Variants in DPYD observed in about 807,000 individuals in gnomAD.
DPYD encodes the protein dihydropyrimidine dehydrogenase.
DPYD carries 109 observed loss-of-function variants against 116.2 expected under a neutral mutation model. That is an observed-to-expected ratio of 0.94 (90% confidence interval 0.80 to 1.10). The LOEUF is 1.10. DPYD is among the 50% of genes least tolerant of loss of function. DPYD has a pLI of 0.00. For synonymous variants in DPYD, 440 were observed against 432.0 expected (o/e 1.02, Z -0.23); for missense variants, 1,302 against 1,254.5 (o/e 1.04, Z -0.57).
At chr1:97,752,720 C>A (rs56202188) in intron 3 of DPYD, among the ~76,000 whole-genome samples, 39,399 of 152,060 alleles carry the variant, frequency 0.26, 5,985 homozygotes, top group East Asian at 0.63. Context: ...CCTGTGAAAC[C>A]CCCTGGCTAT....
At chr1:97,807,470 C>G (rs995860066) in intron 3 of DPYD, among the ~76,000 whole-genome samples, 1 of 151,974 alleles carries the variant, frequency 6.6e-6, no homozygotes, top group African/African-American at 2.4e-5. Flanking sequence ...AGATCTCTTG[C>G]CCATTTTAAA....
intron 14 of DPYD, among the ~76,000 whole-genome samples, chr1:97,426,423 T>C (rs1415569166): frequency 2.6e-5 from 4 of 151,988 alleles, no homozygotes; most frequent in African/African-American, 9.7e-5. Context: ...CTCATGAATA[T>C]TTGGGGGTAA....
intron 16 of DPYD, among the ~76,000 whole-genome samples, chr1:97,317,050 C>T (rs1268951544): frequency 6.6e-5 from 10 of 151,916 alleles, no homozygotes; most frequent in African/African-American, 2.2e-4. Flanking sequence ...AATTAGGACA[C>T]CTCCAAATCT....
intron 15 of DPYD, among the ~76,000 whole-genome samples, chr1:97,381,241 T>A (rs1330484471): frequency 6.6e-6 from 1 of 152,086 alleles, no homozygotes; most frequent in Non-Finnish European, 1.5e-5. Flanking sequence ...ATGTGAAAAA[T>A]ATCTTTAGGT....
intron 12 of DPYD, among the ~76,000 whole-genome samples, chr1:97,529,914 TTTTC>T (rs1310241891): frequency 1.5e-4 from 22 of 151,276 alleles, no homozygotes; most frequent in African/African-American, 4.1e-4. Context: ...CCTTCTTTTC[TTTTC>T]TTTCTCTTTC....
intron 8 of DPYD, among the ~76,000 whole-genome samples, chr1:97,651,602 C>A (rs1269747948): frequency 6.6e-6 from 1 of 152,138 alleles, no homozygotes; most frequent in Non-Finnish European, 1.5e-5. Flanking sequence ...ACTGGTTACA[C>A]CCTGACCCCA....
intron 12 of DPYD, 21 bp downstream of exon 12, chr1:97,549,539 G>T (rs376874558): frequency 2.9e-5 from 47 of 1,613,132 alleles, no homozygotes; most frequent in Non-Finnish European, 2.9e-5. Context: ...GAATTAAGTG[G>T]AAATGATGGC....
At chr1:97,338,190 A>C (rs1032861528) in intron 16 of DPYD, among the ~76,000 whole-genome samples, 18 of 152,190 alleles carry the variant, frequency 1.2e-4, no homozygotes, top group Non-Finnish European at 2.1e-4. Context: ...GATTCATTAG[A>C]GATAATCTAA....
intron 8 of DPYD, among the ~76,000 whole-genome samples, chr1:97,625,169 T>C (rs1656856267): frequency 6.6e-6 from 1 of 152,094 alleles, no homozygotes; most frequent in African/African-American, 2.4e-5. Flanking sequence ...TAGCTTGATT[T>C]AATTGTACCA....
At position 97,789,556 on chromosome 1, in the gene DPYD, A is replaced by C. The variant is rs186891816; in HGVS notation, c.233+38558T>G. Among the ~76,000 whole-genome samples the C allele has an allele frequency of 2.0e-5, 3 of 152,334 alleles. No homozygotes were observed. The East Asian group carries it at 5.8e-4, about 29-fold the overall frequency. On this transcript the variant is annotated intron_variant, in intron 3 of 22. Transcript: ENST00000370192. ...AAATGAATTTTAGGCTTTCACCCTCAGAAAATAAGTCATATTATTTATTGT... is the reference window on the plus strand; with the variant it reads ...AAATGAATTTTAGGCTTTCACCCTCCGAAAATAAGTCATATTATTTATTGT...
chr1:97,170,145 G>A (rs1164396432), intron 20 of DPYD, among the ~76,000 whole-genome samples: 1 of 152,126 alleles, frequency 6.6e-6, no homozygotes, highest in South Asian at 2.1e-4. Flanking sequence ...CTTTCAGATG[G>A]CCCTCATAAG....
intron 2 of DPYD, among the ~76,000 whole-genome samples, chr1:97,859,450 G>T (rs1056431568): frequency 6.6e-6 from 1 of 152,096 alleles, no homozygotes; most frequent in African/African-American, 2.4e-5. Context: ...CTTTGTTTCG[G>T]GTTAAAAGTT....
intron 18 of DPYD, among the ~76,000 whole-genome samples, chr1:97,304,905 A>C (rs959858854): frequency 7.9e-5 from 12 of 151,956 alleles, no homozygotes; most frequent in African/African-American, 2.9e-4. Context: ...AAACTAGTCC[A>C]GACCATGAAA....
At chr1:97,094,478 T>A (rs112444864) in intron 21 of DPYD, among the ~76,000 whole-genome samples, 1 of 152,106 alleles carries the variant, frequency 6.6e-6, no homozygotes, top group African/African-American at 2.4e-5. Flanking sequence ...ATAAGAACAA[T>A]AGTCATTGCT....
chr1:97,764,862 C>A (rs1020091873), intron 3 of DPYD, among the ~76,000 whole-genome samples: 7 of 151,976 alleles, frequency 4.6e-5, no homozygotes, highest in Non-Finnish European at 8.8e-5. Flanking sequence ...GTGAACAGTG[C>A]CCAACAATTT....
At chr1:97,333,105 T>C (rs1338488071) in intron 16 of DPYD, among the ~76,000 whole-genome samples, 2 of 148,884 alleles carry the variant, frequency 1.3e-5, no homozygotes, top group African/African-American at 5.0e-5. Context: ...GCCACCAGGC[T>C]GGAGTGCAGT....
chr1:97,901,447 T>C (rs1001856472), intron 1 of DPYD, among the ~76,000 whole-genome samples: 1 of 151,842 alleles, frequency 6.6e-6, no homozygotes, highest in African/African-American at 2.4e-5. Context: ...ACACATTGCT[T>C]ATATAGTGTT....
intron 10 of DPYD, among the ~76,000 whole-genome samples, chr1:97,582,494 C>A (rs865968902): frequency 1.5e-4 from 23 of 152,136 alleles, no homozygotes; most frequent in African/African-American, 5.3e-4. Flanking sequence ...ATCTCATATT[C>A]TTTAATTTAC....
At chr1:97,734,304 A>T (rs1157102938) in intron 4 of DPYD, among the ~76,000 whole-genome samples, 1 of 152,096 alleles carries the variant, frequency 6.6e-6, no homozygotes, top group African/African-American at 2.4e-5. Flanking sequence ...TTAATTTTCC[A>T]CTGAATTGAA....
Sources: allele counts gnomAD v4.1 joint callset (sites outside exome capture counted in the v4.1 genomes callset), GRCh38; gene constraint gnomAD v4.1.1; transcripts MANE v1.5; gene names NCBI Gene and HGNC (gene_info 2026-07-23, HGNC 2026-07-21).